Variants in RHCG observed in about 807,000 individuals in gnomAD.
RHCG encodes the protein Rh family C glycoprotein.
Under a neutral mutation model 55.3 loss-of-function variants are expected in RHCG, and 39 were observed. The observed-to-expected ratio is 0.70, with a 90% CI of 0.55 to 0.92. RHCG has a LOEUF of 0.92. Among genes scored for constraint, RHCG ranks in the 40% least tolerant of loss-of-function variants. The pLI is 0.00. For missense variants in RHCG, 635 were observed against 627.9 expected, an observed-to-expected ratio of 1.01 and a Z score of -0.12; for synonymous variants, 250 against 246.8, an observed-to-expected ratio of 1.01 and a Z score of -0.12.
chr15:89,474,788 T>TCCTTCCTTCCTG (rs1961103691), intron 9 of RHCG, among the ~76,000 whole-genome samples: 1 of 132,834 alleles, frequency 7.5e-6, no homozygotes, highest in African/African-American at 3.0e-5. Flanking sequence ...CTGCCTGCCT[T>TCCTTCCTTCCTG]CCTTCCTTCC....
At chr15:89,480,132 C>T (rs138033269) in intron 4 of RHCG, 129 bp downstream of exon 4, 109 of 1,251,798 alleles carry the variant, frequency 8.7e-5, no homozygotes, top group African/African-American at 7.0e-4. Flanking sequence ...CACCATACCA[C>T]GTGGGGATCA....
At position 89,477,896 on chromosome 15, in the gene RHCG, C is replaced by T; in HGVS notation, c.916G>A (p.Ala306Thr). Residue 306 changes from alanine (A) to threonine (T), a missense_variant, in exon 6 of 11, where the codon GCC becomes ACC. Transcript: ENST00000268122. The surrounding 1 kb of genome is among the most constrained non-coding windows in gnomAD (Gnocchi z 4.5). ...AAEMMLMPYGALIIGFVCGII... is the reference protein window; with the variant it reads ...AAEMMLMPYGTLIIGFVCGII... ...CCGCAGACGAAGCCGATGATGAGGG[C>T]ACCGTAAGGCATGAGCATCATCTCA... 7 of 1,614,104 alleles carry T rather than the reference C, an allele frequency of 4.3e-6. No individual in the cohort carries two copies. The highest frequency in any genetic ancestry group is 5.9e-6 in the Non-Finnish European group (7 of 1,180,020).
At chr15:89,473,939 C>T (rs769087040) in intron 9 of RHCG, among the ~76,000 whole-genome samples, 5 of 152,162 alleles carry the variant, frequency 3.3e-5, no homozygotes, top group African/African-American at 9.7e-5. Context: ...TGATTTATTT[C>T]GTTAGCGTAA....
chr15:89,496,474 A>G lies in RHCG; in HGVS notation c.71T>C (p.Ile24Thr). ...GTAGCGCACGAACACCCCGAAGAGA[A>G]TCACCATAATCACCTGCAGGAGCAG... The part of the protein sequence containing the change: ...TCLLLQVIMV[I>T]LFGVFVRYDF... The change falls in exon 1 of 11, where the codon ATT becomes ACT. Residue 24 changes from isoleucine to threonine, a missense_variant. Coordinates refer to ENST00000268122, the MANE Select transcript of RHCG (RefSeq NM_016321.3). 1 of 1,613,914 alleles carries G rather than the reference A, an allele frequency of 6.2e-7. No homozygotes were observed. Among genetic ancestry groups the G allele is most frequent in the Non-Finnish European group, 8.5e-7 (1 of 1,179,954 alleles).
chr15:89,485,815 T>A (rs1390547772), intron 2 of RHCG, among the ~76,000 whole-genome samples: 2 of 152,086 alleles, frequency 1.3e-5, no homozygotes, highest in Middle Eastern at 3.2e-3. Flanking sequence ...CTCCCAAAGG[T>A]TCTTGAGTAG....
At chr15:89,482,624 G>A (rs1444707144) in intron 3 of RHCG, among the ~76,000 whole-genome samples, 3 of 152,326 alleles carry the variant, frequency 2.0e-5, no homozygotes, top group South Asian at 4.1e-4. Flanking sequence ...CATGGCCCAT[G>A]TGAATGGCAG....
intron 10 of RHCG, among the ~76,000 whole-genome samples, 164 bp from the exon 11 acceptor site, chr15:89,472,019 G>T (rs1596400146): frequency 2.0e-5 from 3 of 152,064 alleles, no homozygotes; most frequent in East Asian, 1.9e-4. Context: ...CATCACTCAG[G>T]CCCCAGACCC....
chr15:89,486,601 T>TGTGTGTGTGG (rs1961373062), intron 2 of RHCG, 198 bp downstream of exon 2: 1 of 353,906 alleles, frequency 2.8e-6, no homozygotes, highest in Admixed American at 3.7e-5. Flanking sequence ...AGAGAGAGAG[T>TGTGTGTGTGG]GTGTGTGTGT....
At chr15:89,493,111 A>G (rs886391895) in intron 1 of RHCG, among the ~76,000 whole-genome samples, 1 of 152,204 alleles carries the variant, frequency 6.6e-6, no homozygotes, top group Non-Finnish European at 1.5e-5. Flanking sequence ...TCCTTTATCA[A>G]ATGGAGCCTG....
chr15:89,492,655 C>A (rs191706555), intron 1 of RHCG, among the ~76,000 whole-genome samples: 2 of 152,342 alleles, frequency 1.3e-5, no homozygotes, highest in East Asian at 1.9e-4. Context: ...TCCTCTCGAA[C>A]CTCCATTACC....
At chr15:89,493,122 C>T (rs150973824) in intron 1 of RHCG, among the ~76,000 whole-genome samples, 11 of 152,338 alleles carry the variant, frequency 7.2e-5, no homozygotes, top group Non-Finnish European at 1.5e-4. Flanking sequence ...ATGGAGCCTG[C>T]TTCGGCCTCA....
Position 89,477,578 on chromosome 15 carries a change from C to T in RHCG, c.1051G>A (p.Gly351Ser). 6.2e-7 allele frequency: 1 copy of T among 1,614,142 alleles called. No homozygotes were observed. Among genetic ancestry groups the T allele is most frequent in the Non-Finnish European group, 8.5e-7 (1 of 1,180,032 alleles). ...NNLHGIPGII[G>S]GIVGAVTAAS... ...GCTGTCACAGCACCCACGATGCCGC[C>T]TATGATGCCAGGAATGCCATGCAGA... The change falls in exon 7 of 11, where the codon GGC (glycine) becomes AGC (serine). Residue 351 changes from glycine to serine, a missense_variant. By Grantham distance (56) the Gly-to-Ser change is moderately conservative (BLOSUM62 0). Coordinates refer to ENST00000268122, the MANE Select transcript of RHCG (RefSeq NM_016321.3). The surrounding 1 kb of genome is among the most constrained non-coding windows in gnomAD (Gnocchi z 4.5).
chr15:89,486,599 A>AGAGAGTGTGTGT, intron 2 of RHCG, 200 bp downstream of exon 2: 128 of 264,310 alleles, frequency 4.8e-4, no homozygotes, highest in African/African-American at 8.2e-4. Flanking sequence ...AGAGAGAGAG[A>AGAGAGTGTGTGT]GTGTGTGTGT....
intron 4 of RHCG, 185 bp from the exon 5 acceptor site, chr15:89,479,673 C>T (rs1224168633): frequency 3.3e-6 from 2 of 603,732 alleles, no homozygotes; most frequent in Non-Finnish European, 5.8e-6. Context: ...TTACCCCCCA[C>T]TTAGCCTTCC....
At chr15:89,486,730 C>T in intron 2 of RHCG, 69 bp downstream of exon 2, 4 of 1,510,052 alleles carry the variant, frequency 2.6e-6, no homozygotes, top group Admixed American at 1.8e-5. Flanking sequence ...CGCCCTCCTC[C>T]CTCAGGCTCA....
chr15:89,474,856 G>T lies in RHCG; in HGVS notation c.1311+1899C>A, dbSNP rs373338752. Among the ~76,000 whole-genome samples the T allele has an allele frequency of 4.4e-3, 325 of 74,382 alleles. 16 individuals carry two copies. Among genetic ancestry groups the T allele is most frequent in the African/African-American group, 0.02 (281 of 14,354 alleles). The allele number at this position is 74,382 out of a possible 152,430, so 48.8% of individuals were successfully genotyped here. Reference sequence around the variant, plus strand: ...TGCCTGCCTTCCTTCCTGCCTGCCTGCCTTCCTTCCTGCCTGCCTTCCTTC... The same window carrying T: ...TGCCTGCCTTCCTTCCTGCCTGCCTTCCTTCCTTCCTGCCTGCCTTCCTTC... On this transcript the variant is annotated intron_variant, in intron 9 of 10. Coordinates refer to ENST00000268122, the MANE Select transcript of RHCG (RefSeq NM_016321.3).
intron 1 of RHCG, among the ~76,000 whole-genome samples, chr15:89,488,632 A>G (rs534184955): frequency 1.3e-5 from 2 of 152,332 alleles, no homozygotes; most frequent in South Asian, 4.1e-4. Context: ...ACATGTTACT[A>G]ACAAGGGGAA....
chr15:89,483,110 G>C lies in RHCG; in HGVS notation c.479C>G (p.Thr160Ser). ...QLLIMTFFQV[T>S]LFAVNEFILL... The stretch of plus-strand genomic sequence containing the variant: ...AATGAACTCATTCACAGCGAAGAGG[G>C]TCACTTGGAAGAAAGTCATGATGAG... Residue 160 changes from threonine (T) to serine (S), a missense_variant, in exon 3 of 11, where the codon ACC becomes AGC. By Grantham distance (58) the Thr-to-Ser change is moderately conservative (BLOSUM62 1). Transcript: ENST00000268122. The C allele has an allele frequency of 1.2e-6, 2 of 1,607,172 alleles. No homozygotes were observed. The highest frequency in any genetic ancestry group is 8.5e-7 in the Non-Finnish European group (1 of 1,174,244).
chr15:89,491,834 C>T (rs1428352113), intron 1 of RHCG, among the ~76,000 whole-genome samples: 1 of 151,886 alleles, frequency 6.6e-6, no homozygotes, highest in Non-Finnish European at 1.5e-5. Context: ...ACCGTATGGA[C>T]CTTTAGCAAA....
Sources: allele counts gnomAD v4.1 joint callset (sites outside exome capture counted in the v4.1 genomes callset), GRCh38; gene constraint gnomAD v4.1.1; non-coding constraint Gnocchi (gnomAD v3.1); transcripts MANE v1.5; gene names NCBI Gene and HGNC (gene_info 2026-07-23, HGNC 2026-07-21).